Variants in PPP1R12A observed in about 807,000 individuals in gnomAD.
PPP1R12A encodes the protein myosin binding subunit.
Under a neutral mutation model 139.6 loss-of-function variants are expected in PPP1R12A, and 19 were observed. The observed-to-expected ratio is 0.14, with a 90% CI of 0.09 to 0.20. The LOEUF is 0.20. Among genes scored for constraint, PPP1R12A ranks in the 10% least tolerant of loss-of-function variants. The pLI is 1.00. For synonymous variants in PPP1R12A, 427 were observed against 420.6 expected, an observed-to-expected ratio of 1.02 and a Z score of -0.19; for missense variants, 925 against 1,211.5, an observed-to-expected ratio of 0.76 and a Z score of 3.51.
At chr12:79,799,432 G>A (rs1314068413) in intron 14 of PPP1R12A, among the ~76,000 whole-genome samples, 1 of 152,152 alleles carries the variant, frequency 6.6e-6, no homozygotes, top group Non-Finnish European at 1.5e-5. Context: ...TTAAAGGCGT[G>A]GGCCACCGCG....
At chr12:79,802,138 G>A (rs1009898446) in intron 14 of PPP1R12A, among the ~76,000 whole-genome samples, 6 of 152,134 alleles carry the variant, frequency 3.9e-5, no homozygotes, top group African/African-American at 1.2e-4. Context: ...TTAGGGAAAT[G>A]CTATACATTC....
At chr12:79,905,595 A>G (rs1335511521) in intron 1 of PPP1R12A, among the ~76,000 whole-genome samples, 2 of 152,188 alleles carry the variant, frequency 1.3e-5, no homozygotes, top group Non-Finnish European at 2.9e-5. Flanking sequence ...GGCTACTTAT[A>G]TATATAGCCT....
intron 19 of PPP1R12A, among the ~76,000 whole-genome samples, chr12:79,791,929 A>G (rs551756720): frequency 1.3e-5 from 2 of 152,308 alleles, no homozygotes; most frequent in South Asian, 4.1e-4. Flanking sequence ...TATTTCATTT[A>G]GCATAACGCC....
rs1869659285 is a variant in PPP1R12A, at chr12:79,775,917, C to T, written c.*12G>A. ...ATATGTGCAATTCCATTACTTGCTG[C>T]TTTTTTTTTTTTTATTTGGAAAGTT... On this transcript the variant is annotated 3_prime_UTR_variant, in exon 25 of 25. Transcript: ENST00000450142. 6.9e-6 allele frequency: 9 copies of T among 1,304,628 alleles called. No individual in the cohort carries two copies. Among genetic ancestry groups the T allele is most frequent in the South Asian group, 1.4e-5 (1 of 72,626 alleles). The allele number at this position is 1,304,628 out of a possible 1,614,324, so 80.8% of individuals were successfully genotyped here. A position where few individuals can be genotyped will look rare whatever the true frequency, so the allele number is the denominator to read the frequency against.
intron 14 of PPP1R12A, among the ~76,000 whole-genome samples, chr12:79,804,359 C>T (rs1033061527): frequency 6.6e-6 from 1 of 151,940 alleles, no homozygotes; most frequent in African/African-American, 2.4e-5. Flanking sequence ...TATACTGGTA[C>T]TCAAATCACA....
intron 1 of PPP1R12A, among the ~76,000 whole-genome samples, chr12:79,916,847 C>G (rs903654707): frequency 2.6e-5 from 4 of 152,058 alleles, no homozygotes; most frequent in African/African-American, 9.7e-5. Flanking sequence ...TATATTTAAT[C>G]CATAAAATAT....
At position 79,803,547 on chromosome 12, in the gene PPP1R12A, A is replaced by C. The variant is rs186590206; in HGVS notation, c.2000+2045T>G. Among the ~76,000 whole-genome samples the C allele has an allele frequency of 5.2e-3, 799 of 152,288 alleles. 5 individuals are homozygous for C. Among genetic ancestry groups the C allele is most frequent in the African/African-American group, 0.018 (759 of 41,574 alleles). ...TTAGCCACAGTATATTCTCAAATCA[A>C]CATATATACATTTTTTAGGCAAATT... On this transcript the variant is annotated intron_variant, in intron 14 of 24. Transcript: ENST00000450142.
At chr12:79,896,785 T>C (rs1215201306) in intron 1 of PPP1R12A, among the ~76,000 whole-genome samples, 1 of 152,254 alleles carries the variant, frequency 6.6e-6, no homozygotes, top group African/African-American at 2.4e-5. Context: ...AAACCTATTC[T>C]ATTTGGCACC....
intron 2 of PPP1R12A, among the ~76,000 whole-genome samples, chr12:79,857,145 C>T (rs185995775): frequency 5.8e-4 from 89 of 152,154 alleles, no homozygotes; most frequent in African/African-American, 2.0e-3. Flanking sequence ...ATGTTTATTG[C>T]GGCATTATTC....
At chr12:79,871,547 TAGAAGAGA>T (rs1882568953) in intron 2 of PPP1R12A, among the ~76,000 whole-genome samples, 1 of 152,200 alleles carries the variant, frequency 6.6e-6, no homozygotes, top group African/African-American at 2.4e-5. Context: ...TACTACTTTA[TAGAAGAGA>T]AAACCAAAGC....
At chr12:79,803,749 A>T (rs1592638870) in intron 14 of PPP1R12A, among the ~76,000 whole-genome samples, 1 of 152,044 alleles carries the variant, frequency 6.6e-6, no homozygotes, top group African/African-American at 2.4e-5. Context: ...TATAATATAG[A>T]CGAGAAAAAA....
rs769885911 is a variant in PPP1R12A at position 79,807,320 on chromosome 12, T to C, written c.1561A>G (p.Ser521Gly). The change falls in exon 12 of 25, where the codon AGT becomes GGT. Residue 521 changes from serine to glycine, a missense_variant. Ser to Gly is a moderately conservative substitution (Grantham distance 56). Coordinates refer to ENST00000450142, the MANE Select transcript of PPP1R12A (RefSeq NM_002480.3). ...IEEKENRDSS[S>G]LRTSSSYTRR... The stretch of plus-strand genomic sequence containing the variant: ...GTATATGAACTACTTGTTCGCAAAC[T>C]TGAAGAATCTCTGTTAAAAGAACAC... 1.0e-5 allele frequency: 16 copies of C among 1,544,382 alleles called. No homozygotes were observed. In the South Asian group the frequency reaches 1.7e-4, roughly 16 times the overall value.
chr12:79,824,532 T>G lies in PPP1R12A; in HGVS notation c.793-2342A>C, dbSNP rs564734923. Among the ~76,000 whole-genome samples, 4 of 152,292 alleles carry G rather than the reference T, an allele frequency of 2.6e-5. No homozygotes were observed. In the South Asian group the frequency reaches 8.3e-4, roughly 32 times the overall value. On this transcript the variant is annotated intron_variant, in intron 5 of 24. Coordinates refer to ENST00000450142, the MANE Select transcript of PPP1R12A (RefSeq NM_002480.3). ...TCTCCCTTGATAAATGAATCTACTT[T>G]GCAAACAGCAGCTGATACACAATCA...
At chr12:79,915,079 G>A (rs1274448940) in intron 1 of PPP1R12A, among the ~76,000 whole-genome samples, 2 of 152,046 alleles carry the variant, frequency 1.3e-5, no homozygotes, top group Non-Finnish European at 2.9e-5. Flanking sequence ...TTTCCTACTA[G>A]AGGTTGGTCT....
chr12:79,801,390 CTTTCT>C (rs1225429064), intron 14 of PPP1R12A, among the ~76,000 whole-genome samples: 1 of 91,440 alleles, frequency 1.1e-5, no homozygotes, highest in Non-Finnish European at 2.2e-5. Flanking sequence ...AAAAAAGCCT[CTTTCT>C]TTTGTTAGCT....
chr12:79,922,102 ATTT>A (rs1434049989), intron 1 of PPP1R12A, among the ~76,000 whole-genome samples: 1 of 152,072 alleles, frequency 6.6e-6, no homozygotes, highest in Non-Finnish European at 1.5e-5. Context: ...AATAATAATG[ATTT>A]TAAAAGTCAG....
chr12:79,802,995 A>G (rs574859568), intron 14 of PPP1R12A, among the ~76,000 whole-genome samples: 26 of 152,270 alleles, frequency 1.7e-4, no homozygotes, highest in Admixed American at 1.6e-3. Flanking sequence ...TCTCCCTATG[A>G]GCCTGGATTC....
At chr12:79,900,728 G>C (rs948087447) in intron 1 of PPP1R12A, among the ~76,000 whole-genome samples, 9 of 152,072 alleles carry the variant, frequency 5.9e-5, no homozygotes, top group African/African-American at 1.2e-4. Context: ...AGAGGAGAAG[G>C]CTCCTAAATA....
At chr12:79,799,430 G>A (rs1242006109) in intron 14 of PPP1R12A, among the ~76,000 whole-genome samples, 1 of 152,174 alleles carries the variant, frequency 6.6e-6, no homozygotes, top group Non-Finnish European at 1.5e-5. Flanking sequence ...GATTAAAGGC[G>A]TGGGCCACCG....
Sources: allele counts gnomAD v4.1 joint callset (sites outside exome capture counted in the v4.1 genomes callset), GRCh38; gene constraint gnomAD v4.1.1; transcripts MANE v1.5; gene names NCBI Gene and HGNC (gene_info 2026-07-23, HGNC 2026-07-21).